Variants in NAALADL2 observed in about 807,000 individuals in gnomAD.
NAALADL2 encodes N-acetylated alpha-linked acidic dipeptidase like 2.
In NAALADL2, 76 loss-of-function variants were observed where a neutral mutation model predicts 87.2. That is an observed-to-expected ratio of 0.87 (90% CI 0.72 to 1.05). NAALADL2 has a LOEUF of 1.05. Among genes scored for constraint, NAALADL2 ranks in the 50% least tolerant of loss-of-function variants. The pLI is 0.00. For missense variants in NAALADL2, 1,089 were observed against 945.8 expected (o/e 1.15, Z -1.99); for synonymous variants, 354 against 331.0 (o/e 1.07, Z -0.75).
In NAALADL2 at chr3:175,803,097, C is replaced by T. The variant is rs1174112211; in HGVS notation, c.2282C>T (p.Thr761Ile). ...EHCKPLASNE[T>I]LQEALSEVLN... ...TGCAAACCCCTTGCATCAAATGAGA[C>T]CCTTCAAGAAGCCCTGTCAGAGGTG... Residue 761 changes from threonine (T) to isoleucine (I), a missense_variant, in exon 14 of 14, where the codon ACC (threonine) becomes ATC (isoleucine). Transcript: ENST00000454872. 4 of 1,612,288 alleles carry T rather than the reference C, an allele frequency of 2.5e-6. No homozygotes were observed.
chr3:174,596,151 A>C (rs981210568), intron 2 of NAALADL2, among the ~76,000 whole-genome samples: 2 of 152,210 alleles, frequency 1.3e-5, no homozygotes, highest in Non-Finnish European at 2.9e-5. Context: ...TTACACTTAG[A>C]ATTCTGGAAA....
intron 6 of NAALADL2, among the ~76,000 whole-genome samples, chr3:175,455,126 T>C (rs1048260361): frequency 2.0e-5 from 3 of 151,978 alleles, no homozygotes; most frequent in African/African-American, 7.2e-5. Context: ...TCAAGCAGAG[T>C]TGTCACTGCA....
intron 2 of NAALADL2, among the ~76,000 whole-genome samples, chr3:175,141,547 A>G (rs1431715270): frequency 1.3e-5 from 2 of 152,086 alleles, no homozygotes; most frequent in Admixed American, 6.6e-5. Context: ...GGGATATCCA[A>G]TATGAACTTT....
At chr3:174,740,511 A>C (rs1048700719) in intron 3 of NAALADL2, among the ~76,000 whole-genome samples, 1 of 151,942 alleles carries the variant, frequency 6.6e-6, no homozygotes, top group Non-Finnish European at 1.5e-5. Flanking sequence ...ATGAGTATGA[A>C]TTAAATTTAG....
At chr3:175,351,560 C>A (rs1358472646) in intron 5 of NAALADL2, among the ~76,000 whole-genome samples, 1 of 151,998 alleles carries the variant, frequency 6.6e-6, no homozygotes. Flanking sequence ...AGAAGATAGA[C>A]AGTTGAATGT....
At chr3:174,967,837 AAT>A (rs1279983286) in intron 1 of NAALADL2, among the ~76,000 whole-genome samples, 4 of 152,218 alleles carry the variant, frequency 2.6e-5, no homozygotes, top group African/African-American at 9.6e-5. Context: ...ATTGTGAACA[AAT>A]AAAATGGTTG....
intron 1 of NAALADL2, among the ~76,000 whole-genome samples, chr3:174,889,520 C>T (rs1730613028): frequency 6.6e-6 from 1 of 151,980 alleles, no homozygotes; most frequent in Non-Finnish European, 1.5e-5. Flanking sequence ...TGTGTGTGCC[C>T]TTATATCTCT....
intron 9 of NAALADL2, among the ~76,000 whole-genome samples, chr3:175,564,148 C>T (rs1437489453): frequency 2.0e-5 from 3 of 151,908 alleles, no homozygotes; most frequent in East Asian, 1.9e-4. Flanking sequence ...TTTTTTTTCT[C>T]CCTGTGCCCT....
At chr3:175,367,272 A>G (rs1765751602) in intron 5 of NAALADL2, among the ~76,000 whole-genome samples, 3 of 151,808 alleles carry the variant, frequency 2.0e-5, no homozygotes, top group Admixed American at 2.0e-4. Flanking sequence ...GCCTTGTAGT[A>G]TAGTTTGAAG....
At chr3:174,531,081 C>T (rs1166225173) in intron 1 of NAALADL2, among the ~76,000 whole-genome samples, 1 of 152,124 alleles carries the variant, frequency 6.6e-6, no homozygotes, top group Admixed American at 6.5e-5. Context: ...TGAACATCAT[C>T]TAGTTAGCCC....
intron 2 of NAALADL2, among the ~76,000 whole-genome samples, chr3:174,731,278 G>T (rs1318310651): frequency 1.3e-5 from 2 of 152,048 alleles, no homozygotes; most frequent in East Asian, 3.9e-4. Context: ...GATAAAAATT[G>T]GAGCTTCTCT....
chr3:175,136,432 C>T (rs9847740), intron 2 of NAALADL2, among the ~76,000 whole-genome samples: 5,432 of 152,160 alleles, frequency 0.036, 159 homozygotes, highest in South Asian at 0.085. Flanking sequence ...CCAAGAAGGA[C>T]GGGTTAAAGT....
chr3:174,939,452 T>C (rs2861898), intron 1 of NAALADL2, among the ~76,000 whole-genome samples: 56,235 of 151,816 alleles, frequency 0.37, 12,552 homozygotes, highest in African/African-American at 0.6. Context: ...ATGCCTTCAG[T>C]TTTTTCTTTT....
At chr3:175,551,410 C>T (rs958296830) in intron 9 of NAALADL2, among the ~76,000 whole-genome samples, 7 of 152,068 alleles carry the variant, frequency 4.6e-5, no homozygotes, top group African/African-American at 1.7e-4. Context: ...ATCTCTTACT[C>T]ATGTCAATTG....
intron 1 of NAALADL2, among the ~76,000 whole-genome samples, chr3:174,942,328 A>T (rs543163959): frequency 2.8e-4 from 43 of 152,018 alleles, no homozygotes; most frequent in African/African-American, 1.0e-3. Context: ...TTGGTTGCAT[A>T]TTTTTTTCTT....
intron 2 of NAALADL2, among the ~76,000 whole-genome samples, chr3:174,692,841 T>A (rs1019393000): frequency 2.6e-5 from 4 of 151,804 alleles, no homozygotes; most frequent in Non-Finnish European, 5.9e-5. Flanking sequence ...CAATCATTAT[T>A]GTCTCTTTTA....
intron 11 of NAALADL2, among the ~76,000 whole-genome samples, chr3:175,667,900 A>G (rs1478199709): frequency 1.3e-5 from 2 of 152,032 alleles, no homozygotes; most frequent in African/African-American, 4.8e-5. Flanking sequence ...ACCCTATTCA[A>G]AGATGTTTCG....
At chr3:175,640,867 A>G (rs1183672328) in intron 11 of NAALADL2, among the ~76,000 whole-genome samples, 1 of 152,158 alleles carries the variant, frequency 6.6e-6, no homozygotes, top group African/African-American at 2.4e-5. Flanking sequence ...ATATGGTTTA[A>G]TTTATGTCCC....
chr3:175,329,273 T>TTTC (rs2110482229), intron 5 of NAALADL2, among the ~76,000 whole-genome samples: 2 of 152,338 alleles, frequency 1.3e-5, no homozygotes, highest in South Asian at 4.1e-4. Context: ...GAGAAAAGTC[T>TTTC]TTTCAGTGGC....
Sources: gnomAD v4.1 joint callset for allele counts (sites outside exome capture counted in the v4.1 genomes callset) on GRCh38, gnomAD v4.1.1 for gene constraint, MANE v1.5 for transcripts, NCBI Gene and HGNC (gene_info 2026-07-23, HGNC 2026-07-21) for gene names.